SNX9: variants seen among roughly 807,000 people sequenced by gnomAD.
SNX9 encodes the protein sorting nexin 9.
A neutral mutation model predicts 89.4 loss-of-function variants in SNX9; 44 were observed. The observed-to-expected ratio is 0.49, with a 90% CI of 0.39 to 0.63. SNX9 has a LOEUF of 0.63. Ranked by LOEUF, SNX9 falls within the 30% of genes least tolerant of loss-of-function variation. The probability of loss-of-function intolerance (pLI) is 0.00; values close to 1 mark genes in which losing one functional copy is unlikely to be tolerated. For missense variants in SNX9, 578 were observed against 736.1 expected (o/e 0.79, Z 2.49); for synonymous variants, 236 against 247.8 (o/e 0.95, Z 0.45).
intron 5 of SNX9, among the ~76,000 whole-genome samples, chr6:157,897,872 A>G (rs1783013013): frequency 1.3e-5 from 2 of 152,136 alleles, no homozygotes; most frequent in South Asian, 4.1e-4. Context: ...AGAGAATGGG[A>G]GGTGGAGCTG....
At chr6:157,888,691 T>C (rs1782788831) in intron 4 of SNX9, among the ~76,000 whole-genome samples, 1 of 152,134 alleles carries the variant, frequency 6.6e-6, no homozygotes, top group Admixed American at 6.6e-5. Context: ...CAAGAGGAAA[T>C]AAACATTTAA....
chr6:157,898,672 T>C (rs1341462070), intron 5 of SNX9, among the ~76,000 whole-genome samples: 1 of 152,184 alleles, frequency 6.6e-6, no homozygotes, highest in Non-Finnish European at 1.5e-5. Context: ...ATTAAGGGTA[T>C]TTATGTCTGA....
intron 4 of SNX9, among the ~76,000 whole-genome samples, chr6:157,894,465 T>TAAAAAAAAAAAAAAAA (rs1173887333): frequency 9.9e-6 from 1 of 100,732 alleles, no homozygotes; most frequent in Non-Finnish European, 2.0e-5. Context: ...ATTTAAATGT[T>TAAAAAAAAAAAAAAAA]AAAAAAAAAA....
At chr6:157,933,465 T>C (rs1165706059) in intron 13 of SNX9, among the ~76,000 whole-genome samples, 2 of 152,184 alleles carry the variant, frequency 1.3e-5, no homozygotes, top group African/African-American at 2.4e-5. Flanking sequence ...TAATAAGAAG[T>C]TTCTCACCAA....
At chr6:157,869,551 C>G (rs73573852) in intron 2 of SNX9, among the ~76,000 whole-genome samples, 3,107 of 152,284 alleles carry the variant, frequency 0.02, 96 homozygotes, top group African/African-American at 0.071. Context: ...GAGTTTTACT[C>G]TGTCCAGCCT....
rs1202282760 is a variant in SNX9, at chr6:157,937,439, G to A, written c.1449G>A (p.Lys483=). The A allele has an allele frequency of 6.2e-7, 1 of 1,612,532 alleles. No homozygotes were observed. Among genetic ancestry groups the A allele is most frequent in the African/African-American group, 1.3e-5 (1 of 75,012 alleles). ...CAGCTTGTATCTTGTTATAGCCAAA[G>A]AAAGATCTCCATTTCCTGATGGAAT... ...EIASLVAEQP[K]KDLHFLMECN... Residue 483 remains lysine, a synonymous_variant, in exon 15 of 18, where the codon AAG becomes AAA. Transcript: ENST00000392185.
At chr6:157,878,195 G>A (rs574564632) in intron 4 of SNX9, among the ~76,000 whole-genome samples, 1 of 152,312 alleles carries the variant, frequency 6.6e-6, no homozygotes, top group Admixed American at 6.5e-5. Flanking sequence ...CCAGGTCCCT[G>A]GCCCACTGTG....
chr6:157,941,392 T>A (rs1043996604), intron 17 of SNX9, among the ~76,000 whole-genome samples: 1 of 152,122 alleles, frequency 6.6e-6, no homozygotes, highest in Non-Finnish European at 1.5e-5. Context: ...TTGCTTTTTG[T>A]GAATGAGGTT....
intron 10 of SNX9, among the ~76,000 whole-genome samples, chr6:157,925,582 ATAAAT>A (rs1783675418): frequency 6.6e-6 from 1 of 152,062 alleles, no homozygotes; most frequent in Non-Finnish European, 1.5e-5. Context: ...GAATAGATAA[ATAAAT>A]TGGGGATTAC....
chr6:157,842,606 T>TA (rs1781724456), intron 1 of SNX9, among the ~76,000 whole-genome samples: 1 of 152,074 alleles, frequency 6.6e-6, no homozygotes, highest in South Asian at 2.1e-4. Context: ...GGTAGGGGCT[T>TA]GGGAAGTGGG....
At chr6:157,942,202 A>G (rs1784049217) in intron 17 of SNX9, among the ~76,000 whole-genome samples, 1 of 152,202 alleles carries the variant, frequency 6.6e-6, no homozygotes, top group Non-Finnish European at 1.5e-5. Flanking sequence ...AAATTTGTGT[A>G]TGTGTTCATG....
Position 157,909,769 on chromosome 6 carries a change from C to G in SNX9, c.810C>G (p.Ile270Met). Reference sequence around the variant, plus strand: ...AAATGTATGGTCTAAAGAGCTACATCGAATATCAGCTAACACCTACTGTAA... The same window carrying G: ...AAATGTATGGTCTAAAGAGCTACATGGAATATCAGCTAACACCTACTGTAA... ...GSKMYGLKSY[I>M]EYQLTPTNTN... Residue 270 changes from isoleucine (I) to methionine (M), a missense_variant, in exon 8 of 18, where the codon ATC becomes ATG. By Grantham distance (10) the Ile-to-Met change is conservative. Coordinates refer to ENST00000392185, the MANE Select transcript of SNX9 (RefSeq NM_016224.5). The G allele has an allele frequency of 6.2e-7, 1 of 1,614,114 alleles. No individual in the cohort carries two copies. Among genetic ancestry groups the G allele is most frequent in the Non-Finnish European group, 8.5e-7 (1 of 1,180,014 alleles).
chr6:157,868,554 A>G lies in SNX9; in HGVS notation c.99+921A>G, dbSNP rs79084332. Among the ~76,000 whole-genome samples the G allele has an allele frequency of 5.3e-5, 8 of 152,274 alleles. No individual in the cohort carries two copies. In the East Asian group the frequency reaches 1.5e-3, roughly 29 times the overall value. The stretch of plus-strand genomic sequence containing the variant: ...GTCAGGAAGCTTAGAGGCAAACATA[A>G]TATTCATTTGTGTCCAATCTTCTTT... On this transcript the variant is annotated intron_variant, in intron 2 of 17. Transcript: ENST00000392185.
chr6:157,918,638 G>T (rs1409200711), intron 9 of SNX9, among the ~76,000 whole-genome samples: 1 of 151,940 alleles, frequency 6.6e-6, no homozygotes, highest in Non-Finnish European at 1.5e-5. Flanking sequence ...TTGCCATTTT[G>T]TTATTTGTTT....
At chr6:157,942,350 T>G (rs1234735486) in intron 17 of SNX9, among the ~76,000 whole-genome samples, 3 of 152,210 alleles carry the variant, frequency 2.0e-5, no homozygotes, top group Non-Finnish European at 2.9e-5. Context: ...CTCGTTAGCT[T>G]CACAGGCAGG....
At position 157,899,642 on chromosome 6, in the gene SNX9, C is replaced by T. The variant is rs564320903; in HGVS notation, c.473-2256C>T. Among the ~76,000 whole-genome samples, 45 of 152,136 alleles carry T rather than the reference C, an allele frequency of 3.0e-4. 1 individual carries two copies. The highest frequency in any genetic ancestry group is 1.0e-3 in the African/African-American group (43 of 41,482). On this transcript the variant is annotated intron_variant, in intron 5 of 17. Coordinates refer to ENST00000392185, the MANE Select transcript of SNX9 (RefSeq NM_016224.5). ...AAAAAAAATTAGCCGGGTGTGGTGG[C>T]AGGCGCCTGTAGTCCCAGCTACTCG... is the stretch of plus-strand genomic sequence containing the variant.
At chr6:157,870,763 C>T (rs1265471836) in intron 2 of SNX9, among the ~76,000 whole-genome samples, 1 of 150,878 alleles carries the variant, frequency 6.6e-6, no homozygotes, top group Non-Finnish European at 1.5e-5. Flanking sequence ...AGACACTCAC[C>T]TGCTCTCACA....
chr6:157,901,012 A>G (rs1013862084), intron 5 of SNX9, among the ~76,000 whole-genome samples: 5 of 152,130 alleles, frequency 3.3e-5, no homozygotes, highest in African/African-American at 1.2e-4. Context: ...GTCTGTTTAT[A>G]GGCTCTTTAC....
At chr6:157,905,998 CCA>C in intron 6 of SNX9, 128 bp from the exon 7 acceptor site, 1 of 654,328 alleles carries the variant, frequency 1.5e-6, no homozygotes, top group Non-Finnish European at 2.6e-6. Flanking sequence ...GTTTCATTTA[CCA>C]CAGTTTCCAG....
Sources: allele counts gnomAD v4.1 joint callset (sites outside exome capture counted in the v4.1 genomes callset), GRCh38; gene constraint gnomAD v4.1.1; transcripts MANE v1.5; gene names NCBI Gene and HGNC (gene_info 2026-07-23, HGNC 2026-07-21).